The following VPS26A variants were observed in gnomAD, a reference collection of about 807,000 sequenced individuals.
VPS26A encodes VPS26 retromer complex component A, also known as vacuolar protein sorting-associated protein 26A.
VPS26A carries 22 observed loss-of-function variants against 42.4 expected under a neutral mutation model. The ratio of observed to expected loss-of-function variants is 0.52; its 90% confidence interval spans 0.37 to 0.74. The LOEUF (loss-of-function observed/expected upper bound fraction) is 0.74, where lower values mean the gene tolerates loss of function less well. Ranked by LOEUF, VPS26A falls within the 30% of genes least tolerant of loss-of-function variation. The pLI is 0.00. For missense variants in VPS26A, 276 were observed against 379.2 expected (o/e 0.73, Z 2.26); for synonymous variants, 110 against 123.5 (o/e 0.89, Z 0.73).
intron 7 of VPS26A, among the ~76,000 whole-genome samples, chr10:69,167,343 T>C (rs1322696622): frequency 6.6e-6 from 1 of 151,492 alleles, no homozygotes; most frequent in Admixed American, 6.6e-5. Flanking sequence ...GAAGCTCACT[T>C]GAGCCCAGGA....
chr10:69,134,155 G>A (rs1014162091), intron 2 of VPS26A, among the ~76,000 whole-genome samples: 7 of 152,102 alleles, frequency 4.6e-5, no homozygotes, highest in Non-Finnish European at 8.8e-5. Context: ...TATTCATGTG[G>A]TAGACAGTTT....
chr10:69,147,094 C>G (rs1402459973), intron 2 of VPS26A, among the ~76,000 whole-genome samples: 1 of 152,080 alleles, frequency 6.6e-6, no homozygotes, highest in East Asian at 1.9e-4. Context: ...ACTAATATGT[C>G]TATTTTTTAT....
chr10:69,149,820 C>G (rs1487067111), intron 2 of VPS26A, among the ~76,000 whole-genome samples: 1 of 137,960 alleles, frequency 7.2e-6, no homozygotes, highest in Non-Finnish European at 1.5e-5. Context: ...GATCTCAGCT[C>G]ACTGCAGCCT....
intron 8 of VPS26A, chr10:69,170,231 T>G (rs2132243907): frequency 6.6e-6 from 1 of 152,232 alleles, no homozygotes; most frequent in East Asian, 1.9e-4. Context: ...AGCTTGACAG[T>G]AATTTAGAAG....
At chr10:69,134,468 T>C (rs1840860679) in intron 2 of VPS26A, among the ~76,000 whole-genome samples, 2 of 152,240 alleles carry the variant, frequency 1.3e-5, no homozygotes. Context: ...TGAAGGATCT[T>C]AATACACATT....
At chr10:69,151,280 A>AAAC (rs1841307328) in intron 2 of VPS26A, among the ~76,000 whole-genome samples, 10 of 135,224 alleles carry the variant, frequency 7.4e-5, no homozygotes, top group Non-Finnish European at 1.3e-4. Context: ...AAAAAAAAAA[A>AAAC]AAACACACAC....
chr10:69,131,980 T>C (rs1200109523), intron 1 of VPS26A, among the ~76,000 whole-genome samples: 4 of 152,218 alleles, frequency 2.6e-5, no homozygotes, highest in Admixed American at 6.5e-5. Flanking sequence ...TCAGGATTTA[T>C]AGAACAAGGC....
intron 2 of VPS26A, among the ~76,000 whole-genome samples, chr10:69,145,867 C>T (rs1455382719): frequency 6.6e-6 from 1 of 151,984 alleles, no homozygotes; most frequent in Non-Finnish European, 1.5e-5. Flanking sequence ...TTTCACCACC[C>T]CAAAAAGAAA....
chr10:69,141,520 CA>C (rs1841039205), intron 2 of VPS26A, among the ~76,000 whole-genome samples: 1 of 152,186 alleles, frequency 6.6e-6, no homozygotes, highest in African/African-American at 2.4e-5. Context: ...CACCCAGCCA[CA>C]AGAGGGTAGG....
chr10:69,133,939 G>A (rs1381909971), intron 2 of VPS26A, among the ~76,000 whole-genome samples: 3 of 152,020 alleles, frequency 2.0e-5, no homozygotes, highest in Admixed American at 6.6e-5. Flanking sequence ...CACCCACGTA[G>A]GCCTACAAAA....
chr10:69,125,175 A>G (rs1434828800), intron 1 of VPS26A, among the ~76,000 whole-genome samples: 1 of 152,188 alleles, frequency 6.6e-6, no homozygotes, highest in African/African-American at 2.4e-5. Flanking sequence ...CACTGATTCA[A>G]TAGACTGCTT....
intron 2 of VPS26A, chr10:69,133,603 A>G (rs1840838436): frequency 2.3e-6 from 3 of 1,289,494 alleles, no homozygotes; most frequent in African/African-American, 1.5e-5. Context: ...GACGCCTTCT[A>G]TAAGGTTTCA....
chr10:69,153,976 C>T (rs1841375875), intron 2 of VPS26A, among the ~76,000 whole-genome samples: 1 of 151,982 alleles, frequency 6.6e-6, no homozygotes, highest in African/African-American at 2.4e-5. Flanking sequence ...GAAGGGGAAC[C>T]CGGTAGGATT....
chr10:69,147,927 T>C (rs35016149), intron 2 of VPS26A, among the ~76,000 whole-genome samples: 27,300 of 152,088 alleles, frequency 0.18, 2,853 homozygotes, highest in Non-Finnish European at 0.23. Context: ...GTGCCCCAGC[T>C]GATCTCGAAC....
At chr10:69,131,028 C>T (rs535533351) in intron 1 of VPS26A, among the ~76,000 whole-genome samples, 14 of 152,140 alleles carry the variant, frequency 9.2e-5, no homozygotes, top group African/African-American at 3.4e-4. Context: ...CTCTGTTGCC[C>T]GGGCTAGAGC....
At chr10:69,164,259 C>CCTGGA (rs1841634624) in intron 6 of VPS26A, among the ~76,000 whole-genome samples, 1 of 151,494 alleles carries the variant, frequency 6.6e-6, no homozygotes, top group African/African-American at 2.4e-5. Context: ...ACACTGTCAC[C>CCTGGA]CAGGCTGGAG....
intron 5 of VPS26A, among the ~76,000 whole-genome samples, chr10:69,158,971 C>G (rs1360007036): frequency 1.3e-5 from 2 of 152,138 alleles, no homozygotes; most frequent in African/African-American, 4.8e-5. Flanking sequence ...CTAAGATGTT[C>G]TCAGAAACAT....
chr10:69,127,231 C>T (rs1215076725), intron 1 of VPS26A, among the ~76,000 whole-genome samples: 1 of 149,894 alleles, frequency 6.7e-6, no homozygotes, highest in East Asian at 2.0e-4. Flanking sequence ...CAGGTGTGAG[C>T]CACTGTGCCT....
chr10:69,151,543 C>G (rs1023913432), intron 2 of VPS26A, among the ~76,000 whole-genome samples: 8 of 151,632 alleles, frequency 5.3e-5, no homozygotes, highest in African/African-American at 1.7e-4. Context: ...GCTTTTAAAC[C>G]AAAATGCTTA....
Sources: allele counts gnomAD v4.1 joint callset (sites outside exome capture counted in the v4.1 genomes callset), GRCh38; gene constraint gnomAD v4.1.1; transcripts MANE v1.5; gene names NCBI Gene and HGNC (gene_info 2026-07-23, HGNC 2026-07-21).